Variants in FAH observed in about 807,000 individuals in gnomAD.
The protein encoded by FAH is fumarylacetoacetase.
FAH carries 47 observed loss-of-function variants against 55.8 expected under a neutral mutation model. That is an observed-to-expected ratio of 0.84 (90% CI 0.67 to 1.07). The LOEUF (loss-of-function observed/expected upper bound fraction) is 1.07. FAH is among the 50% of genes least tolerant of loss of function. The probability of loss-of-function intolerance (pLI) is 0.00; values close to 1 mark genes in which losing one functional copy is unlikely to be tolerated. For missense variants in FAH, 495 were observed against 545.9 expected, an observed-to-expected ratio of 0.91 and a Z score of 0.93; for synonymous variants, 199 against 207.7, an observed-to-expected ratio of 0.96 and a Z score of 0.36.
In FAH at chr15:80,172,335, C is replaced by T. The variant is rs982851524; in HGVS notation, c.706+87C>T. Reference sequence around the variant, plus strand: ...TTTCATAGAAGCTGAAGATCTGGTGCAGGTCAAAAGTGGCAGGTGATGCAG... The same window carrying T: ...TTTCATAGAAGCTGAAGATCTGGTGTAGGTCAAAAGTGGCAGGTGATGCAG... On this transcript the variant is annotated intron_variant, in intron 8 of 13. Coordinates refer to ENST00000561421, the MANE Select transcript of FAH (RefSeq NM_000137.4). 18 of 1,009,636 alleles carry T rather than the reference C, an allele frequency of 1.8e-5. No individual in the cohort carries two copies. The African/African-American group carries it at 2.7e-4, about 15-fold the overall frequency. 62.5% of individuals were successfully genotyped at this position (1,009,636 alleles called of 1,614,324 possible).
At chr15:80,163,922 T>A (rs2041170636) in intron 5 of FAH, among the ~76,000 whole-genome samples, 1 of 152,246 alleles carries the variant, frequency 6.6e-6, no homozygotes, top group Non-Finnish European at 1.5e-5. Context: ...TGAAATGTTT[T>A]GCAGCTAGTG....
At chr15:80,158,769 A>G (rs960501270) in intron 2 of FAH, among the ~76,000 whole-genome samples, 1 of 152,118 alleles carries the variant, frequency 6.6e-6, no homozygotes, top group Non-Finnish European at 1.5e-5. Context: ...CCTCTGGCAT[A>G]GGAATTGGAA....
chr15:80,174,476 A>G (rs933609772), intron 9 of FAH, among the ~76,000 whole-genome samples: 2 of 152,250 alleles, frequency 1.3e-5, no homozygotes, highest in Non-Finnish European at 2.9e-5. Flanking sequence ...TAGTATCACC[A>G]AAAACGATCT....
At chr15:80,177,622 AG>A (rs1338210470) in intron 11 of FAH, 39 bp downstream of exon 11, 9 of 1,566,494 alleles carry the variant, frequency 5.7e-6, no homozygotes, top group South Asian at 2.2e-5. Flanking sequence ...TTTAGAATTG[AG>A]GGAAAGAGAG....
chr15:80,172,162 G>A lies in FAH; in HGVS notation c.620G>A (p.Gly207Asp), dbSNP rs754196530. The change falls in exon 8 of 14, where the codon GGC becomes GAC. Residue 207 changes from glycine to aspartate, a missense_variant. By Grantham distance (94) the Gly-to-Asp change is moderately conservative (BLOSUM62 -1). Coordinates refer to ENST00000561421, the MANE Select transcript of FAH (RefSeq NM_000137.4). ...CCCCCATGTAAGGCTTTTTTTGTAG[G>A]CCCTGGAAACAGATTGGGAGAGCCG... ...DMELEMAFFV[G>D]PGNRLGEPIP... 5.6e-6 allele frequency: 9 copies of A among 1,613,778 alleles called. No homozygotes were observed. Among genetic ancestry groups the A allele is most frequent in the Admixed American group, 1.7e-5 (1 of 59,998 alleles).
chr15:80,167,627 G>A (rs972651880), intron 5 of FAH, among the ~76,000 whole-genome samples: 1 of 150,654 alleles, frequency 6.6e-6, no homozygotes, highest in Non-Finnish European at 1.5e-5. Flanking sequence ...CACCTCTCAG[G>A]TTCAAGCGAT....
At chr15:80,172,556 C>T (rs191468805) in intron 8 of FAH, among the ~76,000 whole-genome samples, 48 of 152,296 alleles carry the variant, frequency 3.2e-4, no homozygotes, top group African/African-American at 9.4e-4. Flanking sequence ...GATCCCTACA[C>T]GGTATGTGCA....
At chr15:80,164,796 G>T (rs927232257) in intron 5 of FAH, among the ~76,000 whole-genome samples, 13 of 152,134 alleles carry the variant, frequency 8.5e-5, no homozygotes, top group Non-Finnish European at 1.2e-4. Context: ...GTAAAAAAGG[G>T]AGCTCTTCCT....
chr15:80,173,951 G>A lies in FAH; in HGVS notation c.837+807G>A, dbSNP rs116069520. On this transcript the variant is annotated intron_variant, in intron 9 of 13. Transcript: ENST00000561421. ...TTGCTGGGGGCCTCTACCAACACCC[G>A]GTGCTGGTCCTGCACCCACACTGCT... Among the ~76,000 whole-genome samples the A allele has an allele frequency of 4.8e-3, 729 of 152,210 alleles. 6 individuals are homozygous for A. The highest frequency in any genetic ancestry group is 0.017 in the African/African-American group (710 of 41,524).
At chr15:80,174,124 C>T (rs527343480) in intron 9 of FAH, among the ~76,000 whole-genome samples, 53 of 152,200 alleles carry the variant, frequency 3.5e-4, no homozygotes, top group Non-Finnish European at 6.5e-4. Context: ...CCTACCACAG[C>T]ACCCCCTGCC....
At chr15:80,152,959 CA>C, upstream of FAH, 2 of 1,050,158 alleles carry the variant, frequency 1.9e-6, no homozygotes, top group South Asian at 2.6e-5. Flanking sequence ...TGGGGGCGGG[CA>C]GGGGGGCGGG....
In FAH at chr15:80,181,295, G is replaced by C. The variant is rs987526457; in HGVS notation, c.1180+136G>C. 9 of 669,244 alleles carry C rather than the reference G, an allele frequency of 1.3e-5. No homozygotes were observed. In the African/African-American group the frequency reaches 1.6e-4, roughly 12 times the overall value. 41.5% of individuals were successfully genotyped at this position (669,244 alleles called of 1,614,324 possible). ...ACTCTGCCTCCCAGAGTCTCTGCCT[G>C]CTTGTTCTGTCCTTCCCCACAGCTA... On this transcript the variant is annotated intron_variant, in intron 13 of 13. Coordinates refer to ENST00000561421, the MANE Select transcript of FAH (RefSeq NM_000137.4).
chr15:80,171,444 T>C (rs554103531), intron 7 of FAH, among the ~76,000 whole-genome samples: 38 of 152,312 alleles, frequency 2.5e-4, no homozygotes, highest in Middle Eastern at 6.8e-3. Context: ...AATTGAGCAA[T>C]GAAAATTTTT....
intron 10 of FAH, among the ~76,000 whole-genome samples, chr15:80,176,327 T>A (rs2142104477): frequency 6.6e-6 from 1 of 152,368 alleles, no homozygotes; most frequent in African/African-American, 2.4e-5. Flanking sequence ...GCTCCATTTC[T>A]TTCTTCTGTC....
intron 1 of FAH, chr15:80,157,851 A>G: frequency 1.6e-6 from 1 of 606,594 alleles, no homozygotes; most frequent in Non-Finnish European, 2.9e-6. Flanking sequence ...TTCAGGGAAC[A>G]CAGATTATTT....
chr15:80,174,863 A>C (rs1451419631), intron 9 of FAH, among the ~76,000 whole-genome samples, 153 bp from the exon 10 acceptor site: 1 of 152,058 alleles, frequency 6.6e-6, no homozygotes, highest in Non-Finnish European at 1.5e-5. Context: ...CCAGGGACAC[A>C]GTGCTGGGTC....
At chr15:80,181,792 C>A (rs2041333389) in intron 13 of FAH, among the ~76,000 whole-genome samples, 1 of 152,116 alleles carries the variant, frequency 6.6e-6, no homozygotes, top group South Asian at 2.1e-4. Context: ...CTCATCCAAT[C>A]TGGAGTGCAG....
intron 5 of FAH, among the ~76,000 whole-genome samples, chr15:80,165,177 G>A (rs980125959): frequency 2.6e-4 from 40 of 152,286 alleles, no homozygotes; most frequent in Non-Finnish European, 5.0e-4. Flanking sequence ...TGGATCACAA[G>A]GTCAGGAGTT....
chr15:80,179,303 T>C (rs1331785569), intron 11 of FAH, among the ~76,000 whole-genome samples: 1 of 152,248 alleles, frequency 6.6e-6, no homozygotes, highest in Non-Finnish European at 1.5e-5. Context: ...TCTTGGCCTT[T>C]TGAATATCCT....
Sources: allele counts gnomAD v4.1 joint callset (sites outside exome capture counted in the v4.1 genomes callset), GRCh38; gene constraint gnomAD v4.1.1; transcripts MANE v1.5; gene names NCBI Gene and HGNC (gene_info 2026-07-23, HGNC 2026-07-21).